NFATC1: variants seen among roughly 807,000 people sequenced by gnomAD.
NFATC1 encodes nuclear factor of activated T-cells, cytoplasmic 1.
A neutral mutation model predicts 76.0 loss-of-function variants in NFATC1; 22 were observed. That is an observed-to-expected ratio of 0.29 (90% CI 0.21 to 0.41). NFATC1 has a LOEUF of 0.41. Ranked by LOEUF, NFATC1 falls within the 10% of genes least tolerant of loss-of-function variation. The probability of loss-of-function intolerance (pLI) is 1.00; values close to 1 mark genes in which losing one functional copy is unlikely to be tolerated. For missense variants in NFATC1, 1,357 were observed against 1,337.7 expected, an observed-to-expected ratio of 1.01 and a Z score of -0.23; for synonymous variants, 704 against 613.1, an observed-to-expected ratio of 1.15 and a Z score of -2.19.
intron 9 of NFATC1, among the ~76,000 whole-genome samples, chr18:79,525,012 CATT>C (rs1218701815): frequency 6.6e-6 from 1 of 151,632 alleles, no homozygotes; most frequent in African/African-American, 2.4e-5. Context: ...CACATCCCAT[CATT>C]ACTACCCCTC....
At chr18:79,449,047 C>A in intron 4 of NFATC1, 63 bp downstream of exon 4, 1 of 1,538,848 alleles carries the variant, frequency 6.5e-7, no homozygotes, top group Non-Finnish European at 8.9e-7. Flanking sequence ...GCCTCCCTCC[C>A]AGTCCCGGGG....
intron 9 of NFATC1, among the ~76,000 whole-genome samples, chr18:79,490,864 A>G (rs1336238156): frequency 4.6e-5 from 7 of 152,140 alleles, no homozygotes; most frequent in African/African-American, 1.7e-4. Context: ...CCCACACCCC[A>G]GGCTCACAAA....
In NFATC1 at chr18:79,412,799, C is replaced by T. The variant is rs535612682; in HGVS notation, c.1226+1298C>T. On this transcript the variant is annotated intron_variant, in intron 2 of 9. Transcript: ENST00000427363. ...TTTCTACTGGCGTGATACTTAGAAT[C>T]GTCGTCAGCTGAGGTTTCGAGAGAA... Among the ~76,000 whole-genome samples, 29 of 152,350 alleles carry T rather than the reference C, an allele frequency of 1.9e-4. No homozygotes were observed. The East Asian group carries it at 4.2e-3, about 22-fold the overall frequency.
chr18:79,472,918 C>T (rs1211195463), intron 8 of NFATC1, among the ~76,000 whole-genome samples: 2 of 152,362 alleles, frequency 1.3e-5, no homozygotes, highest in East Asian at 1.9e-4. Flanking sequence ...AGCAGAGATT[C>T]TCCTGGCACC....
At chr18:79,503,705 G>C (rs1192772126) in intron 9 of NFATC1, among the ~76,000 whole-genome samples, 1 of 152,192 alleles carries the variant, frequency 6.6e-6, no homozygotes, top group Non-Finnish European at 1.5e-5. Context: ...TGGAAGCTTT[G>C]CAGCCAGACA....
chr18:79,485,602 G>A (rs1048481386), intron 8 of NFATC1, among the ~76,000 whole-genome samples: 5 of 152,200 alleles, frequency 3.3e-5, no homozygotes, highest in Non-Finnish European at 5.9e-5. Flanking sequence ...CCAAAGCCCC[G>A]GACTTTTAGG....
intron 7 of NFATC1, 59 bp downstream of exon 7, chr18:79,461,425 G>T: frequency 6.3e-7 from 1 of 1,592,460 alleles, no homozygotes; most frequent in Non-Finnish European, 8.6e-7. Context: ...GGAGGCTGGG[G>T]TCTGCTGGAG....
At chr18:79,467,659 C>T (rs767611988) in intron 8 of NFATC1, 77 bp downstream of exon 8, 2 of 1,589,814 alleles carry the variant, frequency 1.3e-6, no homozygotes, top group Non-Finnish European at 8.6e-7. Context: ...GAAACGACGT[C>T]GCCGTAAAGC....
intron 7 of NFATC1, among the ~76,000 whole-genome samples, chr18:79,462,157 TCTC>T (rs1480478007): frequency 2.6e-5 from 4 of 152,024 alleles, no homozygotes; most frequent in African/African-American, 9.7e-5. Context: ...TGCTCCCACA[TCTC>T]CTGCACGGCA....
chr18:79,508,615 A>G (rs1182854142), intron 9 of NFATC1, among the ~76,000 whole-genome samples: 5 of 150,886 alleles, frequency 3.3e-5, no homozygotes, highest in East Asian at 2.0e-4. Flanking sequence ...CTGTATCTCT[A>G]TCCCTCTCTC....
intron 9 of NFATC1, among the ~76,000 whole-genome samples, chr18:79,492,369 C>G (rs1569027762): frequency 1.3e-5 from 2 of 152,242 alleles, no homozygotes; most frequent in East Asian, 3.9e-4. Flanking sequence ...TCAAGACCAG[C>G]CTGGTCAACA....
intron 9 of NFATC1, among the ~76,000 whole-genome samples, chr18:79,507,802 A>G (rs1269431008): frequency 1.3e-5 from 2 of 152,270 alleles, no homozygotes; most frequent in Non-Finnish European, 2.9e-5. Context: ...TCGCATCCGC[A>G]GTGCTTTTAC....
chr18:79,433,879 C>A, intron 3 of NFATC1, 141 bp downstream of exon 3: 1 of 970,536 alleles, frequency 1.0e-6, no homozygotes, highest in Non-Finnish European at 1.5e-6. Context: ...GGCGGCTGCT[C>A]ACCGCCTCTG....
chr18:79,480,514 A>G (rs1296908483), intron 8 of NFATC1, among the ~76,000 whole-genome samples: 1 of 152,190 alleles, frequency 6.6e-6, no homozygotes, highest in African/African-American at 2.4e-5. Flanking sequence ...CGCGTGTCCC[A>G]GAGCCCTGTG....
chr18:79,519,287 C>A (rs902310075), intron 9 of NFATC1, among the ~76,000 whole-genome samples: 1 of 152,196 alleles, frequency 6.6e-6, no homozygotes, highest in Admixed American at 6.5e-5. Context: ...CCTTACAAGG[C>A]TCGGGCTTTC....
chr18:79,478,020 G>T (rs558955918), intron 8 of NFATC1, among the ~76,000 whole-genome samples: 6 of 152,086 alleles, frequency 3.9e-5, no homozygotes, highest in African/African-American at 1.4e-4. Context: ...ACACGAGTCC[G>T]TCCATAGCAG....
intron 9 of NFATC1, among the ~76,000 whole-genome samples, chr18:79,494,205 G>T (rs1404892988): frequency 6.6e-6 from 1 of 151,976 alleles, no homozygotes; most frequent in Non-Finnish European, 1.5e-5. Flanking sequence ...GCGAGAGCGG[G>T]CACACGCCCC....
chr18:79,400,291 C>T (rs1435955167), intron 1 of NFATC1: 9 of 1,212,658 alleles, frequency 7.4e-6, no homozygotes, highest in Admixed American at 4.6e-5. Flanking sequence ...GGGGGAGGGG[C>T]GGGGGTCACG....
intron 5 of NFATC1, 149 bp from the exon 6 acceptor site, chr18:79,451,527 A>G: frequency 1.3e-6 from 1 of 750,912 alleles, no homozygotes. Context: ...CTCCCCTAGA[A>G]GTAGTGGCAT....
Sources: gnomAD v4.1 joint callset for allele counts (sites outside exome capture counted in the v4.1 genomes callset) on GRCh38, gnomAD v4.1.1 for gene constraint, MANE v1.5 for transcripts, NCBI Gene and HGNC (gene_info 2026-07-23, HGNC 2026-07-21) for gene names.